Variants in RNF121 observed in about 807,000 individuals in gnomAD.
The protein encoded by RNF121 is E3 ubiquitin ligase RNF121.
A neutral mutation model predicts 46.5 loss-of-function variants in RNF121; 21 were observed. The observed-to-expected ratio is 0.45, with a 90% CI of 0.32 to 0.65. The LOEUF is 0.65. Among genes scored for constraint, RNF121 ranks in the 30% least tolerant of loss-of-function variants. The pLI is 0.04. For synonymous variants in RNF121, 139 were observed against 144.7 expected (o/e 0.96, Z 0.28); for missense variants, 346 against 416.0 (o/e 0.83, Z 1.46).
Position 71,995,648 on chromosome 11 carries a change from G to A in RNF121, c.863+97G>A. On this transcript the variant is annotated intron_variant, in intron 8 of 8. Coordinates refer to ENST00000361756, the MANE Select transcript of RNF121 (RefSeq NM_018320.5). ...GGGTCCTCCTGGGGCCCTCACTTCT[G>A]CCCCCAACCAGAACATGTCAAACCA... 5 of 892,974 alleles carry A rather than the reference G, an allele frequency of 5.6e-6. No homozygotes were observed. The South Asian group carries it at 6.0e-5, about 11-fold the overall frequency. The allele number at this position is 892,974 out of a possible 1,614,324, so 55.3% of individuals were successfully genotyped here. A position where few individuals can be genotyped will look rare whatever the true frequency, so the allele number is the denominator to read the frequency against.
At chr11:71,978,934 C>G (rs967441689) in intron 3 of RNF121, among the ~76,000 whole-genome samples, 2 of 152,294 alleles carry the variant, frequency 1.3e-5, no homozygotes, top group East Asian at 1.9e-4. Context: ...TTCAGTGTAT[C>G]ATTTCATTTT....
chr11:71,959,960 C>T (rs149965526), intron 2 of RNF121, among the ~76,000 whole-genome samples: 1 of 152,228 alleles, frequency 6.6e-6, no homozygotes, highest in African/African-American at 2.4e-5. Flanking sequence ...CATTCCTCTC[C>T]TTTGGATGAC....
chr11:71,931,015 G>C (rs1198976048), intron 1 of RNF121, among the ~76,000 whole-genome samples: 1 of 152,058 alleles, frequency 6.6e-6, no homozygotes, highest in Non-Finnish European at 1.5e-5. Context: ...TGTATTTTTA[G>C]TAGAGACAGG....
chr11:71,978,158 C>G (rs1391878877), intron 3 of RNF121: 4 of 452,328 alleles, frequency 8.8e-6, no homozygotes, highest in Non-Finnish European at 1.8e-5. Context: ...GCCTCAGCCC[C>G]CCAATGTGCT....
intron 1 of RNF121, 58 bp downstream of exon 1, chr11:71,929,182 G>A: frequency 6.6e-7 from 1 of 1,522,214 alleles, no homozygotes; most frequent in African/African-American, 1.4e-5. Context: ...GAGGGGCAGT[G>A]AGGTATCGGG....
chr11:71,971,973 C>A (rs1221961626), intron 3 of RNF121, among the ~76,000 whole-genome samples: 1 of 152,144 alleles, frequency 6.6e-6, no homozygotes, highest in Non-Finnish European at 1.5e-5. Flanking sequence ...GAGTTGGAGG[C>A]AATCTGGATA....
Position 71,996,292 on chromosome 11 carries a change from A to G in RNF121, c.961A>G (p.Asn321Asp). The stretch of plus-strand genomic sequence containing the variant: ...CATCATTGGTGTAGTCCAAGGCATC[A>G]ACTACATCCTGGGCCTGGAATAGTG... ...PVIIGVVQGI[N>D]YILGLE The change falls in exon 9 of 9, where the codon AAC becomes GAC. Residue 321 changes from asparagine to aspartate, a missense_variant. Around this residue, in one of 2 missense-constraint regions of RNF121, gnomAD observed 286 missense variants for 383.8 expected, o/e 0.75. Coordinates refer to ENST00000361756, the MANE Select transcript of RNF121 (RefSeq NM_018320.5). 1.2e-6 allele frequency: 2 copies of G among 1,614,162 alleles called. No homozygotes were observed. Among genetic ancestry groups the G allele is most frequent in the Non-Finnish European group, 1.7e-6 (2 of 1,180,020 alleles).
intron 6 of RNF121, 104 bp downstream of exon 6, chr11:71,990,821 C>T: frequency 7.2e-7 from 1 of 1,395,870 alleles, no homozygotes. Flanking sequence ...GTGAGATAAG[C>T]CACATAAAAT....
At chr11:71,935,877 T>A (rs1329742027) in intron 1 of RNF121, among the ~76,000 whole-genome samples, 1 of 131,982 alleles carries the variant, frequency 7.6e-6, no homozygotes, top group Admixed American at 8.7e-5. Context: ...TGAGATGGAG[T>A]GTCTCTGTTG....
At chr11:71,990,852 A>C in intron 6 of RNF121, 135 bp downstream of exon 6, 1 of 1,020,280 alleles carries the variant, frequency 9.8e-7, no homozygotes. Flanking sequence ...GTGCATATGC[A>C]TGGACATTCC....
At chr11:71,975,535 T>C (rs1277782742) in intron 3 of RNF121, among the ~76,000 whole-genome samples, 1 of 152,234 alleles carries the variant, frequency 6.6e-6, no homozygotes, top group African/African-American at 2.4e-5. Context: ...GGAGTGCCTC[T>C]CCTCTGTATT....
intron 3 of RNF121, among the ~76,000 whole-genome samples, chr11:71,973,118 G>A (rs1268370723): frequency 1.3e-5 from 2 of 151,972 alleles, no homozygotes; most frequent in African/African-American, 2.4e-5. Flanking sequence ...TCCAAGAGGC[G>A]GAGGTTGTGG....
At chr11:71,945,677 T>C (rs980139497) in intron 1 of RNF121, among the ~76,000 whole-genome samples, 2 of 152,238 alleles carry the variant, frequency 1.3e-5, no homozygotes, top group African/African-American at 2.4e-5. Flanking sequence ...ACGACTCAAA[T>C]GATCCTTTAA....
intron 4 of RNF121, among the ~76,000 whole-genome samples, chr11:71,985,195 G>A (rs1954749328): frequency 1.3e-5 from 2 of 152,110 alleles, no homozygotes; most frequent in Non-Finnish European, 1.5e-5. Flanking sequence ...CCAAAGTGTT[G>A]GGATTCCAGG....
At chr11:71,955,259 A>T (rs1953966678) in intron 1 of RNF121, among the ~76,000 whole-genome samples, 1 of 152,160 alleles carries the variant, frequency 6.6e-6, no homozygotes, top group South Asian at 2.1e-4. Context: ...CTTAGAAAGG[A>T]TGTCTAAGAT....
intron 1 of RNF121, among the ~76,000 whole-genome samples, chr11:71,951,417 C>T (rs1379133037): frequency 6.6e-6 from 1 of 151,774 alleles, no homozygotes; most frequent in Admixed American, 6.6e-5. Context: ...AAAGTGGGAG[C>T]GAGATATAAT....
At chr11:71,981,175 A>C (rs2134203800) in intron 3 of RNF121, among the ~76,000 whole-genome samples, 1 of 151,664 alleles carries the variant, frequency 6.6e-6, no homozygotes, top group East Asian at 2.0e-4. Flanking sequence ...CAGCCTCCTG[A>C]GTAGCTGGGA....
At chr11:71,991,733 T>C (rs1954865829) in intron 6 of RNF121, among the ~76,000 whole-genome samples, 1 of 152,032 alleles carries the variant, frequency 6.6e-6, no homozygotes, top group Non-Finnish European at 1.5e-5. Flanking sequence ...ACTAAGACCA[T>C]TGCGGTTGTA....
At chr11:71,976,317 C>G (rs1016092372) in intron 3 of RNF121, among the ~76,000 whole-genome samples, 1 of 150,426 alleles carries the variant, frequency 6.6e-6, no homozygotes, top group Admixed American at 6.6e-5. Flanking sequence ...AACAGTAGAC[C>G]TGCTGCCCCC....
Sources: gnomAD v4.1 joint callset for allele counts (sites outside exome capture counted in the v4.1 genomes callset) on GRCh38, gnomAD v4.1.1 for gene constraint, gnomAD v4.1.1 regional missense constraint, MANE v1.5 for transcripts, NCBI Gene and HGNC (gene_info 2026-07-23, HGNC 2026-07-21) for gene names.